FGGY: variants seen among roughly 807,000 people sequenced by gnomAD.
FGGY encodes FGGY carbohydrate kinase domain containing, also known as FGGY carbohydrate kinase domain-containing protein.
In FGGY, 72 loss-of-function variants were observed where a neutral mutation model predicts 71.3. The observed-to-expected ratio is 1.01, with a 90% confidence interval of 0.84 to 1.23. FGGY has a LOEUF of 1.23. Ranked by LOEUF, FGGY falls within the 50% of genes most tolerant of loss-of-function variation. The probability of loss-of-function intolerance (pLI) is 0.00; values close to 1 mark genes in which losing one functional copy is unlikely to be tolerated. For missense variants in FGGY, 668 were observed against 682.3 expected, an observed-to-expected ratio of 0.98 and a Z score of 0.23; for synonymous variants, 251 against 250.3, an observed-to-expected ratio of 1.00 and a Z score of -0.02.
chr1:59,414,814 T>A (rs138130268), intron 5 of FGGY, among the ~76,000 whole-genome samples: 259 of 152,296 alleles, frequency 1.7e-3, no homozygotes, highest in African/African-American at 6.1e-3. Flanking sequence ...TCCACTGATA[T>A]CCCTCTGTGT....
chr1:59,377,959 G>A (rs1313973719), intron 4 of FGGY, among the ~76,000 whole-genome samples: 8 of 152,164 alleles, frequency 5.3e-5, no homozygotes, highest in Non-Finnish European at 1.5e-5. Context: ...AGTTCTTTGA[G>A]GGCAGGGACT....
intron 2 of FGGY, among the ~76,000 whole-genome samples, chr1:59,336,172 G>A (rs2049445849): frequency 6.6e-6 from 1 of 152,052 alleles, no homozygotes. Flanking sequence ...ATGGTGTGAG[G>A]TAAGAGTCTA....
rs577681036 is a variant in FGGY, at chr1:59,511,523, G to A, written c.671-788G>A. On this transcript the variant is annotated intron_variant, in intron 6 of 15. Coordinates refer to ENST00000303721, the MANE Select transcript of FGGY (RefSeq NM_018291.5). Reference sequence around the variant, plus strand: ...CATTTCATTCTATTCTGTCTTACGTGGTTCTCTGGGTTCTTATCTTGTCTT... The same window carrying A: ...CATTTCATTCTATTCTGTCTTACGTAGTTCTCTGGGTTCTTATCTTGTCTT... 1.5e-4 allele frequency among the ~76,000 whole-genome samples: 23 copies of A among 152,262 alleles called. No homozygotes were observed. The South Asian group carries it at 4.8e-3, about 32-fold the overall frequency.
chr1:59,353,709 CT>C (rs2053734265), intron 4 of FGGY, among the ~76,000 whole-genome samples: 1 of 152,082 alleles, frequency 6.6e-6, no homozygotes, highest in African/African-American at 2.4e-5. Flanking sequence ...GATATTATCT[CT>C]TTTTATATTA....
intron 6 of FGGY, among the ~76,000 whole-genome samples, chr1:59,462,900 T>G (rs9728360): frequency 1.3e-5 from 2 of 150,656 alleles, no homozygotes; most frequent in African/African-American, 4.9e-5. Flanking sequence ...GTCAGTGTGG[T>G]GATTCCTCAG....
chr1:59,315,130 G>A (rs1269158549), intron 1 of FGGY, among the ~76,000 whole-genome samples: 1 of 152,148 alleles, frequency 6.6e-6, no homozygotes, highest in East Asian at 1.9e-4. Context: ...GTTGGTTTGT[G>A]TTTTGTTTCT....
intron 13 of FGGY, 109 bp downstream of exon 13, chr1:59,667,512 T>G (rs2097336867): frequency 7.6e-7 from 1 of 1,319,950 alleles, no homozygotes; most frequent in African/African-American, 1.5e-5. Context: ...TATGCCAGAT[T>G]ATTAGAATAA....
chr1:59,327,556 C>A (rs1465088419), intron 2 of FGGY, among the ~76,000 whole-genome samples: 2 of 152,198 alleles, frequency 1.3e-5, no homozygotes, highest in African/African-American at 4.8e-5. Context: ...TTGGAATTAA[C>A]CTCTTCCAAA....
At chr1:59,354,316 T>C (rs570469563) in intron 4 of FGGY, among the ~76,000 whole-genome samples, 21 of 152,284 alleles carry the variant, frequency 1.4e-4, no homozygotes, top group African/African-American at 5.1e-4. Flanking sequence ...TGAGTTCAAG[T>C]GATCCACCCA....
chr1:59,694,357 A>G (rs770348490), intron 14 of FGGY, among the ~76,000 whole-genome samples: 2 of 151,898 alleles, frequency 1.3e-5, no homozygotes, highest in Non-Finnish European at 2.9e-5. Context: ...TCCATGTGAT[A>G]CAAGTGAGGA....
At chr1:59,418,420 G>C (rs537608403) in intron 5 of FGGY, among the ~76,000 whole-genome samples, 68 of 152,202 alleles carry the variant, frequency 4.5e-4, no homozygotes, top group African/African-American at 1.5e-3. Flanking sequence ...TCTGTGACTG[G>C]TGTTTTGTCC....
chr1:59,524,357 G>A (rs2094917802), intron 7 of FGGY, among the ~76,000 whole-genome samples: 1 of 152,226 alleles, frequency 6.6e-6, no homozygotes, highest in South Asian at 2.1e-4. Flanking sequence ...GGAGGAAGCA[G>A]ACAGGCTCCT....
intron 11 of FGGY, among the ~76,000 whole-genome samples, chr1:59,647,913 C>A (rs1231232274): frequency 1.0e-5 from 1 of 96,880 alleles, no homozygotes; most frequent in Admixed American, 1.1e-4. Context: ...CCCACCCCAC[C>A]ACAGTCCCCA....
intron 6 of FGGY, among the ~76,000 whole-genome samples, chr1:59,471,956 T>C (rs1286207968): frequency 2.0e-5 from 3 of 152,228 alleles, no homozygotes; most frequent in East Asian, 3.9e-4. Flanking sequence ...TAGTGAGAAG[T>C]GACAGCGTGC....
chr1:59,307,340 C>T (rs888573760), intron 1 of FGGY, among the ~76,000 whole-genome samples: 3 of 141,466 alleles, frequency 2.1e-5, no homozygotes, highest in East Asian at 2.1e-4. Context: ...AAAAAAAAAT[C>T]GAGTGATTTA....
At chr1:59,662,893 G>T (rs1167256857) in intron 12 of FGGY, among the ~76,000 whole-genome samples, 3 of 152,170 alleles carry the variant, frequency 2.0e-5, no homozygotes. Flanking sequence ...TGACTGTATT[G>T]AGGAACTTTT....
At chr1:59,360,414 A>G (rs770125332) in intron 4 of FGGY, among the ~76,000 whole-genome samples, 1 of 152,186 alleles carries the variant, frequency 6.6e-6, no homozygotes, top group Non-Finnish European at 1.5e-5. Flanking sequence ...TCACTGTACA[A>G]GTATTTATCG....
intron 14 of FGGY, among the ~76,000 whole-genome samples, chr1:59,745,284 G>C (rs2098186175): frequency 6.6e-6 from 1 of 152,162 alleles, no homozygotes; most frequent in Non-Finnish European, 1.5e-5. Context: ...AGATCCAAAA[G>C]CAGGGAACTT....
At chr1:59,444,948 C>T (rs1438925267) in intron 5 of FGGY, among the ~76,000 whole-genome samples, 1 of 152,146 alleles carries the variant, frequency 6.6e-6, no homozygotes, top group African/African-American at 2.4e-5. Context: ...TATCTTTTTA[C>T]ATGTCCTTTG....
Sources: allele counts gnomAD v4.1 joint callset (sites outside exome capture counted in the v4.1 genomes callset), GRCh38; gene constraint gnomAD v4.1.1; transcripts MANE v1.5; gene names NCBI Gene and HGNC (gene_info 2026-07-23, HGNC 2026-07-21).